The following NEK1 variants were observed in gnomAD, a reference collection of about 807,000 sequenced individuals.
NEK1 encodes the protein NIMA related kinase 1.
NEK1 carries 137 observed loss-of-function variants against 182.1 expected under a neutral mutation model. The observed-to-expected ratio is 0.75, with a 90% CI of 0.65 to 0.87. The LOEUF is 0.87. Among genes scored for constraint, NEK1 ranks in the 40% least tolerant of loss-of-function variants. The pLI is 0.00. For missense variants in NEK1, 1,391 were observed against 1,494.4 expected (o/e 0.93, Z 1.14); for synonymous variants, 513 against 492.2 (o/e 1.04, Z -0.56).
At chr4:169,451,600 C>T (rs753432512) in intron 27 of NEK1, among the ~76,000 whole-genome samples, 9 of 152,148 alleles carry the variant, frequency 5.9e-5, no homozygotes, top group Non-Finnish European at 1.0e-4. Context: ...AGAACAAAGA[C>T]ACAACATACC....
chr4:169,406,328 G>C (rs1732605327), intron 32 of NEK1, among the ~76,000 whole-genome samples: 1 of 151,216 alleles, frequency 6.6e-6, no homozygotes. Flanking sequence ...AAAAGAGCTA[G>C]GTAAGTTATC....
intron 27 of NEK1, 28 bp downstream of exon 27, chr4:169,463,215 T>C (rs372439923): frequency 1.5e-4 from 196 of 1,308,630 alleles, no homozygotes; most frequent in Middle Eastern, 1.4e-3. Flanking sequence ...TTACTTCTAG[T>C]ATAGAAAAAC....
chr4:169,602,397 G>C lies in NEK1; in HGVS notation c.117+117C>G, dbSNP rs1419715997. ...CTATTCTGATATTAGCGGGAATAAA[G>C]GAGTCTTTTGCTTTAGGTTATCGAT... On this transcript the variant is annotated intron_variant, in intron 3 of 35. Transcript: ENST00000507142. 2.1e-5 allele frequency: 14 copies of C among 655,812 alleles called. No individual in the cohort carries two copies. In the South Asian group the frequency reaches 2.3e-4, roughly 11 times the overall value. The allele number at this position is 655,812 out of a possible 1,614,324, so 40.6% of individuals were successfully genotyped here.
chr4:169,521,658 T>G (rs1303779791), intron 19 of NEK1, among the ~76,000 whole-genome samples: 1 of 152,256 alleles, frequency 6.6e-6, no homozygotes, highest in Non-Finnish European at 1.5e-5. Flanking sequence ...AGAGTGTCTT[T>G]ATTTCTACTT....
At position 169,508,757 on chromosome 4, in the gene NEK1, CG is replaced by C; in HGVS notation, c.1749+11del. ...CTATGTGATGGAGGTAGCGAACATG[CG>C]GGAAGCATACCTCTTCCTCTTTGTT... On this transcript the variant is annotated intron_variant, in intron 20 of 35. Coordinates refer to ENST00000507142, the MANE Select transcript of NEK1 (RefSeq NM_001199397.3). 4 of 1,553,826 alleles carry C rather than the reference CG, an allele frequency of 2.6e-6. No individual in the cohort carries two copies. The highest frequency in any genetic ancestry group is 3.5e-6 in the Non-Finnish European group (4 of 1,154,978).
At chr4:169,548,908 G>A (rs919819281) in intron 18 of NEK1, among the ~76,000 whole-genome samples, 1 of 152,262 alleles carries the variant, frequency 6.6e-6, no homozygotes, top group Non-Finnish European at 1.5e-5. Context: ...GCTGGGCTCT[G>A]TGGGGGTGGG....
At chr4:169,444,663 T>TC (rs978468053) in intron 27 of NEK1, among the ~76,000 whole-genome samples, 6 of 152,272 alleles carry the variant, frequency 3.9e-5, no homozygotes, top group African/African-American at 1.4e-4. Flanking sequence ...GTTGTGGACT[T>TC]CAACGCCCCA....
rs532730818 is a variant in NEK1 at position 169,591,144 on chromosome 4, G to A, written c.313-335C>T. ...TTTTAATACATCTTTTTTCTATAAC[G>A]CCCCCCCCCCACTTCTTTAGGGATA... On this transcript the variant is annotated intron_variant, in intron 5 of 35. Coordinates refer to ENST00000507142, the MANE Select transcript of NEK1 (RefSeq NM_001199397.3). Among the ~76,000 whole-genome samples the A allele has an allele frequency of 3.0e-5, 4 of 134,602 alleles. No homozygotes were observed. In the East Asian group the frequency reaches 6.2e-4, roughly 21 times the overall value. The allele number at this position is 134,602 out of a possible 152,430, so 88.3% of individuals were successfully genotyped here.
chr4:169,411,749 A>G (rs1035121764), intron 31 of NEK1, among the ~76,000 whole-genome samples: 2 of 152,208 alleles, frequency 1.3e-5, no homozygotes, highest in Admixed American at 6.5e-5. Flanking sequence ...AAATGTTACT[A>G]TTTTTAAAAA....
intron 23 of NEK1, among the ~76,000 whole-genome samples, chr4:169,483,910 A>G (rs946742127): frequency 2.0e-5 from 3 of 151,580 alleles, no homozygotes; most frequent in Non-Finnish European, 4.4e-5. Context: ...TTTTAAAAAT[A>G]TCTAGAGCTC....
chr4:169,424,930 T>C lies in NEK1; in HGVS notation c.2975-130A>G, dbSNP rs1579496564. ...ACATATCAGGAAAATAAAATCAAAATATGTGTGTCAGTATATTACCTTCTG... is the reference window on the plus strand; with the variant it reads ...ACATATCAGGAAAATAAAATCAAAACATGTGTGTCAGTATATTACCTTCTG... On this transcript the variant is annotated intron_variant, in intron 30 of 35. Coordinates refer to ENST00000507142, the MANE Select transcript of NEK1 (RefSeq NM_001199397.3). The C allele has an allele frequency of 3.5e-6, 3 of 854,576 alleles. No individual in the cohort carries two copies. In the East Asian group the frequency reaches 7.5e-5, roughly 21 times the overall value. The allele number at this position is 854,576 out of a possible 1,614,324, so 52.9% of individuals were successfully genotyped here. A position where few individuals can be genotyped will look rare whatever the true frequency, so the allele number is the denominator to read the frequency against.
intron 5 of NEK1, among the ~76,000 whole-genome samples, chr4:169,598,256 A>ATTC (rs1561484534): frequency 6.6e-6 from 1 of 152,160 alleles, no homozygotes; most frequent in Non-Finnish European, 1.5e-5. Flanking sequence ...AATTGAAAAA[A>ATTC]CTTATCCAAA....
intron 19 of NEK1, among the ~76,000 whole-genome samples, chr4:169,515,659 G>C (rs189466393): frequency 0.14 from 12,886 of 94,120 alleles, 1,235 homozygotes; most frequent in South Asian, 0.23. Flanking sequence ...CCCCTCCCCC[G>C]ACCCCACCAC....
intron 19 of NEK1, among the ~76,000 whole-genome samples, chr4:169,534,422 T>C (rs759225060): frequency 6.6e-6 from 1 of 151,966 alleles, no homozygotes; most frequent in South Asian, 2.1e-4. Context: ...CCTTGGAAAA[T>C]TGAAGAACAC....
intron 21 of NEK1, 24 bp downstream of exon 21, chr4:169,508,224 C>A (rs765012253): frequency 1.3e-6 from 2 of 1,556,138 alleles, no homozygotes; most frequent in Admixed American, 2.0e-5. Flanking sequence ...TCAATTTCTT[C>A]AAAAAAATAG....
At chr4:169,479,319 A>G in intron 24 of NEK1, 84 bp downstream of exon 24, 1 of 1,391,554 alleles carries the variant, frequency 7.2e-7, no homozygotes, top group Non-Finnish European at 9.9e-7. Flanking sequence ...AAGGGACATT[A>G]GGGATTAATG....
chr4:169,459,710 A>C (rs1294403923), intron 27 of NEK1, among the ~76,000 whole-genome samples: 1 of 152,188 alleles, frequency 6.6e-6, no homozygotes, highest in Non-Finnish European at 1.5e-5. Context: ...AAAAGTAATG[A>C]GCTATTGAGA....
intron 30 of NEK1, 37 bp downstream of exon 30, chr4:169,426,109 T>C: frequency 6.8e-7 from 1 of 1,474,970 alleles, no homozygotes; most frequent in African/African-American, 1.4e-5. Flanking sequence ...CATTAACATC[T>C]TCCAGAAAGT....
At chr4:169,432,937 C>T (rs1275505299) in intron 29 of NEK1, among the ~76,000 whole-genome samples, 1 of 152,144 alleles carries the variant, frequency 6.6e-6, no homozygotes, top group Non-Finnish European at 1.5e-5. Context: ...CCATGCCTGG[C>T]TAATTTTTGT....
Sources: allele counts gnomAD v4.1 joint callset (sites outside exome capture counted in the v4.1 genomes callset), GRCh38; gene constraint gnomAD v4.1.1; transcripts MANE v1.5; gene names NCBI Gene and HGNC (gene_info 2026-07-23, HGNC 2026-07-21).